Variants in IMPDH2 observed in about 807,000 individuals in gnomAD.
The protein encoded by IMPDH2 is inosine-5'-monophosphate dehydrogenase 2.
A neutral mutation model predicts 57.8 loss-of-function variants in IMPDH2; 33 were observed. The ratio of observed to expected loss-of-function variants is 0.57; its 90% CI spans 0.43 to 0.76. The LOEUF (loss-of-function observed/expected upper bound fraction) is 0.76, where lower values mean the gene tolerates loss of function less well. IMPDH2 is among the 30% of genes least tolerant of loss of function. The pLI, the probability that IMPDH2 is intolerant of heterozygous loss-of-function variation, is 0.00. For missense variants in IMPDH2, 446 were observed against 659.1 expected, an observed-to-expected ratio of 0.68 and a Z score of 3.54; for synonymous variants, 270 against 241.3, an observed-to-expected ratio of 1.12 and a Z score of -1.10.
intron 3 of IMPDH2, 23 bp from the exon 4 acceptor site, chr3:49,028,345 T>C: frequency 6.2e-7 from 1 of 1,611,814 alleles, no homozygotes; most frequent in Non-Finnish European, 8.5e-7. Context: ...AAGAGACTAC[T>C]ACTAAGTGAC....
intron 7 of IMPDH2, 25 bp from the exon 8 acceptor site, chr3:49,026,634 CTG>C (rs1354371703): frequency 1.2e-6 from 2 of 1,612,406 alleles, no homozygotes; most frequent in South Asian, 1.1e-5. Flanking sequence ...AAGTCTCAGA[CTG>C]TGATGTGGCA....
chr3:49,027,406 C>G (rs1186911150), intron 5 of IMPDH2, among the ~76,000 whole-genome samples: 1 of 152,142 alleles, frequency 6.6e-6, no homozygotes, highest in East Asian at 1.9e-4. Flanking sequence ...CAGGGAGCAC[C>G]CTCTTACACT....
chr3:49,026,208 G>T, intron 9 of IMPDH2, 116 bp downstream of exon 9: 1 of 772,752 alleles, frequency 1.3e-6, no homozygotes, highest in Non-Finnish European at 2.2e-6. Context: ...AGGCCAATTT[G>T]GCCCCAGGGT....
In IMPDH2 at chr3:49,024,409, A is replaced by G; in HGVS notation, c.1524-5T>C. On this transcript the variant is annotated splice_region_variant and splice_polypyrimidine_tract_variant and intron_variant, in intron 13 of 13. Transcript: ENST00000326739. ...CAGAAAAGCCGCTTCTCATACCTGC[A>G]GGCAGAAGGACCACCTGTGAGGTGA... 1 of 1,614,150 alleles carries G rather than the reference A, an allele frequency of 6.2e-7. No individual in the cohort carries two copies. The highest frequency in any genetic ancestry group is 8.5e-7 in the Non-Finnish European group (1 of 1,180,002).
chr3:49,026,606 A>G lies in IMPDH2; in HGVS notation c.823T>C (p.Ser275Pro). The part of the protein sequence containing the change: ...QAGVDVVVLD[S>P]SQGNSIFQIN... ...TGGAAGATGGAATTTCCCTGGGAAG[A>G]GTCCTAGGACAAGAAGTAAGTCTCA... is the stretch of plus-strand genomic sequence containing the variant. Residue 275 changes from serine to proline, a missense_variant, in exon 8 of 14, where the codon TCT becomes CCT. Physicochemically the swap from Ser to Pro is moderately conservative, Grantham distance 74. Coordinates refer to ENST00000326739, the MANE Select transcript of IMPDH2 (RefSeq NM_000884.3). 3 of 1,613,072 alleles carry G rather than the reference A, an allele frequency of 1.9e-6. No individual in the cohort carries two copies. The highest frequency in any genetic ancestry group is 2.5e-6 in the Non-Finnish European group (3 of 1,179,004).
At chr3:49,029,175 C>T in intron 1 of IMPDH2, 78 bp downstream of exon 1, 1 of 1,210,592 alleles carries the variant, frequency 8.3e-7, no homozygotes. Flanking sequence ...CCCAAGGCGG[C>T]TCTCGGAAGC....
Position 49,024,808 on chromosome 3 carries a change from G to A in IMPDH2, c.1296-6C>T. On this transcript the variant is annotated splice_region_variant and splice_polypyrimidine_tract_variant and intron_variant, in intron 11 of 13. Coordinates refer to ENST00000326739, the MANE Select transcript of IMPDH2 (RefSeq NM_000884.3). ...CTTTGATTTTGTCAGCTTCACTGCA[G>A]GGAGAGGCAGAGACACGGGCAAGGT... 6.2e-7 allele frequency: 1 copy of A among 1,614,204 alleles called. No homozygotes were observed. Among genetic ancestry groups the A allele is most frequent in the South Asian group, 1.1e-5 (1 of 91,084 alleles).
rs2093200262 is a variant in IMPDH2 at position 49,026,516 on chromosome 3, T to C, written c.910+3A>G. 3 of 1,611,912 alleles carry C rather than the reference T, an allele frequency of 1.9e-6. No homozygotes were observed. Among genetic ancestry groups the C allele is most frequent in the Non-Finnish European group, 2.5e-6 (3 of 1,178,006 alleles). On this transcript the variant is annotated splice_donor_region_variant and intron_variant, in intron 8 of 13. Transcript: ENST00000326739. ...CATCCTTCAGGGCACAATCTTGCCT[T>C]ACCATTGCCTCCAATGACTTGGAGA...
intron 5 of IMPDH2, among the ~76,000 whole-genome samples, chr3:49,027,388 A>G (rs1258125998): frequency 6.6e-6 from 1 of 152,210 alleles, no homozygotes; most frequent in Non-Finnish European, 1.5e-5. Context: ...AGAAAGGACA[A>G]CATGGCACAG....
Position 49,024,359 on chromosome 3 carries a change from C to A in IMPDH2, c.*24G>T. ...TCTAAACTTTTATTGAAAAAAAAAC[C>A]GAGGAGGTGTGCTGGATCCCTTTTC... is the stretch of plus-strand genomic sequence containing the variant. On this transcript the variant is annotated 3_prime_UTR_variant, in exon 14 of 14. Coordinates refer to ENST00000326739, the MANE Select transcript of IMPDH2 (RefSeq NM_000884.3). 1 of 1,613,742 alleles carries A rather than the reference C, an allele frequency of 6.2e-7. No individual in the cohort carries two copies. The highest frequency in any genetic ancestry group is 8.5e-7 in the Non-Finnish European group (1 of 1,179,800).
Position 49,028,450 on chromosome 3 carries a change from C to T in IMPDH2, c.230G>A (p.Gly77Glu), listed in dbSNP as rs2093209329. ...SSPMDTVTEA[G>E]MAIAMALTGG... Reference sequence around the variant, plus strand: ...GCTCACCGCCATTGCTATGGCCATCCCAGCCTCTGTGACTGTGTCCATGGG... The same window carrying T: ...GCTCACCGCCATTGCTATGGCCATCTCAGCCTCTGTGACTGTGTCCATGGG... Residue 77 changes from glycine (G) to glutamate (E), a missense_variant, in exon 3 of 14, where the codon GGG (glycine) becomes GAG (glutamate). Transcript: ENST00000326739. The T allele has an allele frequency of 6.2e-7, 1 of 1,614,054 alleles. No individual in the cohort carries two copies. The highest frequency in any genetic ancestry group is 8.5e-7 in the Non-Finnish European group (1 of 1,179,928).
At position 49,028,463 on chromosome 3, in the gene IMPDH2, CTG is replaced by C. The variant is rs1197979218; in HGVS notation, c.215_216del (p.Thr72SerfsTer26). The C allele has an allele frequency of 6.2e-7, 1 of 1,614,172 alleles. No individual in the cohort carries two copies. Among genetic ancestry groups the C allele is most frequent in the Middle Eastern group, 1.6e-4 (1 of 6,062 alleles). On this transcript the variant is annotated frameshift_variant, in exon 3 of 14. Transcript: ENST00000326739. LOFTEE classifies it high-confidence loss of function. The part of the protein sequence containing the change: ...KTPLVSSPMD[T>X]VTEAGMAIAM... ...GCTATGGCCATCCCAGCCTCTGTGA[CTG>C]TGTCCATGGGAGAGGAAACCAGTGG...
chr3:49,026,011 A>T, intron 9 of IMPDH2: 2 of 498,148 alleles, frequency 4.0e-6, no homozygotes, highest in Non-Finnish European at 7.9e-6. Flanking sequence ...AACCCGTGAC[A>T]GTAGAAGGGC....
In IMPDH2 at chr3:49,024,366, G is replaced by C. The variant is rs374439774; in HGVS notation, c.*17C>G. The C allele has an allele frequency of 3.1e-6, 5 of 1,613,902 alleles. No individual in the cohort carries two copies. The highest frequency in any genetic ancestry group is 4.2e-6 in the Non-Finnish European group (5 of 1,179,922). On this transcript the variant is annotated 3_prime_UTR_variant, in exon 14 of 14. Coordinates refer to ENST00000326739, the MANE Select transcript of IMPDH2 (RefSeq NM_000884.3). ...TTTTATTGAAAAAAAAACCGAGGAGGTGTGCTGGATCCCTTTTCAGAAAAG... is the reference window on the plus strand; with the variant it reads ...TTTTATTGAAAAAAAAACCGAGGAGCTGTGCTGGATCCCTTTTCAGAAAAG...
At chr3:49,027,613 G>T in intron 5 of IMPDH2, 97 bp downstream of exon 5, 1 of 1,040,048 alleles carries the variant, frequency 9.6e-7, no homozygotes, top group Non-Finnish European at 1.5e-6. Flanking sequence ...TCCTTTCCCA[G>T]AGAGAAGAGG....
Position 49,024,543 on chromosome 3 carries a change from T to C in IMPDH2, c.1475A>G (p.Lys492Arg). The change falls in exon 13 of 14, where the codon AAG (lysine) becomes AGG (arginine). Residue 492 changes from lysine to arginine, a missense_variant. Lys to Arg is a conservative substitution (Grantham distance 26, BLOSUM62 2). Coordinates refer to ENST00000326739, the MANE Select transcript of IMPDH2 (RefSeq NM_000884.3). Reference sequence around the variant, plus strand: ...TTCCACCTGGGCTGAGGACGTTCTCTTCTCAAACTTAAGCTCCCCAGAGTA... The same window carrying C: ...TTCCACCTGGGCTGAGGACGTTCTCCTCTCAAACTTAAGCTCCCCAGAGTA... The part of the protein sequence containing the change: ...MMYSGELKFE[K>R]RTSSAQVEGG... 1 of 1,614,184 alleles carries C rather than the reference T, an allele frequency of 6.2e-7. No individual in the cohort carries two copies. Among genetic ancestry groups the C allele is most frequent in the Non-Finnish European group, 8.5e-7 (1 of 1,180,028 alleles).
Position 49,024,328 on chromosome 3 carries a change from T to C in IMPDH2, c.*55A>G. The C allele has an allele frequency of 2.5e-6, 4 of 1,601,778 alleles. No individual in the cohort carries two copies. The highest frequency in any genetic ancestry group is 3.4e-6 in the Non-Finnish European group (4 of 1,169,572). ...CTGTTGAAAGATCAGGCATCACTTT[T>C]TTCTTTCTAAACTTTTATTGAAAAA... On this transcript the variant is annotated 3_prime_UTR_variant, in exon 14 of 14. Coordinates refer to ENST00000326739, the MANE Select transcript of IMPDH2 (RefSeq NM_000884.3).
chr3:49,024,433 G>A, intron 13 of IMPDH2, 29 bp from the exon 14 acceptor site: 1 of 1,614,196 alleles, frequency 6.2e-7, no homozygotes, highest in Non-Finnish European at 8.5e-7. Flanking sequence ...CCTGTGAGGT[G>A]AGGGCAGGAG....
rs1392777089 is a variant in IMPDH2, at chr3:49,024,554, A to G, written c.1464T>C (p.Leu488=). The change falls in exon 13 of 14, where the codon CTT becomes CTC. Residue 488 remains leucine, a synonymous_variant. Transcript: ENST00000326739. ...QVRAMMYSGE[L]KFEKRTSSAQ... Reference sequence around the variant, plus strand: ...CTGAGGACGTTCTCTTCTCAAACTTAAGCTCCCCAGAGTACATCATGGCTC... The same window carrying G: ...CTGAGGACGTTCTCTTCTCAAACTTGAGCTCCCCAGAGTACATCATGGCTC... 1 of 1,614,114 alleles carries G rather than the reference A, an allele frequency of 6.2e-7. No individual in the cohort carries two copies. Among genetic ancestry groups the G allele is most frequent in the African/African-American group, 1.3e-5 (1 of 75,010 alleles).
Sources: allele counts gnomAD v4.1 joint callset (sites outside exome capture counted in the v4.1 genomes callset), GRCh38; gene constraint gnomAD v4.1.1; transcripts MANE v1.5; gene names NCBI Gene and HGNC (gene_info 2026-07-23, HGNC 2026-07-21).